The following CCDC171 variants were observed in gnomAD, a reference collection of about 807,000 sequenced individuals.
The protein encoded by CCDC171 is coiled-coil domain-containing protein 171.
In CCDC171, 177 loss-of-function variants were observed where a neutral mutation model predicts 168.2. The observed-to-expected ratio is 1.05, with a 90% CI of 0.93 to 1.19. The LOEUF (loss-of-function observed/expected upper bound fraction) is 1.19. CCDC171 is among the 50% of genes most tolerant of loss of function. CCDC171 has a pLI of 0.00. For missense variants in CCDC171, 1,991 were observed against 1,539.0 expected, an observed-to-expected ratio of 1.29 and a Z score of -4.91; for synonymous variants, 687 against 540.8, an observed-to-expected ratio of 1.27 and a Z score of -3.75.
chr9:15,714,458 A>C (rs6474953), intron 11 of CCDC171, among the ~76,000 whole-genome samples: 74,478 of 151,932 alleles, frequency 0.49, 18,676 homozygotes, highest in East Asian at 0.78. Flanking sequence ...CTCAGCTAAA[A>C]CTCAGTTAAT....
chr9:15,632,487 G>A (rs1279825539), intron 7 of CCDC171, among the ~76,000 whole-genome samples: 1 of 152,068 alleles, frequency 6.6e-6, no homozygotes, highest in Non-Finnish European at 1.5e-5. Flanking sequence ...CCTCTTCAAG[G>A]AGAGCTACAA....
intron 25 of CCDC171, among the ~76,000 whole-genome samples, chr9:15,966,277 G>A (rs1479112050): frequency 6.6e-6 from 1 of 152,150 alleles, no homozygotes; most frequent in East Asian, 1.9e-4. Context: ...GAAACGTGGA[G>A]GACTCACCCA....
chr9:15,620,044 T>C (rs1397576205), intron 6 of CCDC171, among the ~76,000 whole-genome samples: 1 of 152,200 alleles, frequency 6.6e-6, no homozygotes, highest in Non-Finnish European at 1.5e-5. Flanking sequence ...AAGATTCTTC[T>C]CAAAATATTG....
At chr9:16,043,135 G>T (rs764985760) in intron 1 of CCDC171, among the ~76,000 whole-genome samples, 1 of 151,974 alleles carries the variant, frequency 6.6e-6, no homozygotes, top group Non-Finnish European at 1.5e-5. Flanking sequence ...AGCCAGAGAG[G>T]TTGGGGAAAA....
intron 18 of CCDC171, among the ~76,000 whole-genome samples, chr9:15,756,739 C>A (rs548577210): frequency 7.9e-5 from 12 of 152,314 alleles, no homozygotes; most frequent in African/African-American, 2.6e-4. Flanking sequence ...CCCATAATTC[C>A]GGCATGTTGT....
intron 25 of CCDC171, among the ~76,000 whole-genome samples, chr9:15,944,842 T>TTCTTTCTA: frequency 6.7e-6 from 1 of 148,714 alleles, no homozygotes; most frequent in African/African-American, 2.5e-5. Flanking sequence ...TCTTTTTTCT[T>TTCTTTCTA]TCTTTCTTTC....
intron 16 of CCDC171, among the ~76,000 whole-genome samples, chr9:15,734,156 T>G (rs2054331845): frequency 6.6e-6 from 1 of 152,204 alleles, no homozygotes; most frequent in Non-Finnish European, 1.5e-5. Flanking sequence ...GACTTTTCTC[T>G]GAAGAATGTG....
chr9:15,588,576 C>T (rs2041748867), intron 4 of CCDC171: 1 of 325,458 alleles, frequency 3.1e-6, no homozygotes, highest in Non-Finnish European at 6.2e-6. Context: ...CCAAAACAGA[C>T]CAGGCACAGG....
the CCDC171 span, among the ~76,000 whole-genome samples, chr9:16,072,587 T>A: frequency 1.3e-5 from 2 of 152,164 alleles, no homozygotes; most frequent in Admixed American, 6.5e-5. Context: ...CCTGGCTCCT[T>A]CACATGGCAC....
At chr9:15,732,740 G>T (rs569852525) in intron 16 of CCDC171, among the ~76,000 whole-genome samples, 49 of 152,178 alleles carry the variant, frequency 3.2e-4, no homozygotes, top group South Asian at 1.9e-3. Context: ...GAGTAGAGAT[G>T]CTTTAAACAT....
chr9:15,767,983 C>T, intron 18 of CCDC171, among the ~76,000 whole-genome samples: 1 of 150,010 alleles, frequency 6.7e-6, no homozygotes, highest in Non-Finnish European at 1.5e-5. Flanking sequence ...AGTGCACCCA[C>T]CTCGGTCTCC....
the CCDC171 span, among the ~76,000 whole-genome samples, chr9:16,090,812 G>A: frequency 6.6e-6 from 1 of 152,212 alleles, no homozygotes; most frequent in African/African-American, 2.4e-5. Context: ...TTTCCAAAAT[G>A]TCTGATGCAG....
chr9:16,065,838 G>GTA (rs1468927076), downstream of CCDC171, among the ~76,000 whole-genome samples: 1 of 151,010 alleles, frequency 6.6e-6, no homozygotes, highest in Non-Finnish European at 1.5e-5. Context: ...GTGTGTGTGT[G>GTA]TGTGTGCTGA....
intron 1 of CCDC171, among the ~76,000 whole-genome samples, chr9:15,563,202 A>G (rs6474930): frequency 0.54 from 81,510 of 150,150 alleles, 22,469 homozygotes; most frequent in East Asian, 0.84. Flanking sequence ...GCAATGGTGC[A>G]ATCTTGGCTC....
At chr9:15,901,163 A>G (rs1228773184) in intron 24 of CCDC171, among the ~76,000 whole-genome samples, 2 of 152,186 alleles carry the variant, frequency 1.3e-5, no homozygotes, top group Non-Finnish European at 2.9e-5. Context: ...GAGAAAATGA[A>G]AAAGATCAGT....
intron 25 of CCDC171, among the ~76,000 whole-genome samples, 165 bp from the exon 26 acceptor site, chr9:15,971,440 GATAA>G (rs1269279673): frequency 6.6e-6 from 1 of 152,208 alleles, no homozygotes; most frequent in Admixed American, 6.5e-5. Flanking sequence ...AGTCACACTT[GATAA>G]ATAATTTACT....
chr9:15,629,048 G>C (rs905904445), intron 7 of CCDC171, among the ~76,000 whole-genome samples: 1 of 151,790 alleles, frequency 6.6e-6, no homozygotes, highest in Non-Finnish European at 1.5e-5. Context: ...CATCATCAAA[G>C]ACCAAAAGTA....
At chr9:15,571,056 A>G (rs2040183383) in intron 2 of CCDC171, among the ~76,000 whole-genome samples, 1 of 152,168 alleles carries the variant, frequency 6.6e-6, no homozygotes, top group Admixed American at 6.6e-5. Flanking sequence ...AGGTGTTGCC[A>G]ATTACTGAGC....
intron 24 of CCDC171, among the ~76,000 whole-genome samples, chr9:15,878,915 TA>T (rs1818228738): frequency 6.6e-6 from 1 of 151,996 alleles, no homozygotes; most frequent in African/African-American, 2.4e-5. Context: ...AAGTGGGAGC[TA>T]AATGATGAGA....
Sources: gnomAD v4.1 joint callset for allele counts (sites outside exome capture counted in the v4.1 genomes callset) on GRCh38, gnomAD v4.1.1 for gene constraint, MANE v1.5 for transcripts, NCBI Gene and HGNC (gene_info 2026-07-23, HGNC 2026-07-21) for gene names.